The following FDFT1 variants were observed in gnomAD, a reference collection of about 807,000 sequenced individuals.
FDFT1 encodes farnesyl-diphosphate farnesyltransferase 1.
Under a neutral mutation model 46.8 loss-of-function variants are expected in FDFT1, and 68 were observed. The observed-to-expected ratio is 1.45, with a 90% CI of 1.19 to 1.78. The LOEUF (loss-of-function observed/expected upper bound fraction) is 1.78, where lower values mean the gene tolerates loss of function less well. FDFT1 is among the 40% of genes most tolerant of loss of function. The probability of loss-of-function intolerance (pLI) is 0.00; values close to 1 mark genes in which losing one functional copy is unlikely to be tolerated. For synonymous variants in FDFT1, 351 were observed against 185.1 expected (o/e 1.90, Z -7.28); for missense variants, 928 against 524.4 (o/e 1.77, Z -7.52).
chr8:11,832,420 C>T (rs957459659), intron 7 of FDFT1, among the ~76,000 whole-genome samples: 4 of 151,460 alleles, frequency 2.6e-5, no homozygotes, highest in African/African-American at 9.7e-5. Context: ...CATGGTGGTG[C>T]ACGCCTGTGG....
intron 3 of FDFT1, among the ~76,000 whole-genome samples, chr8:11,811,542 C>T (rs536077299): frequency 6.6e-6 from 1 of 152,184 alleles, no homozygotes; most frequent in Non-Finnish European, 1.5e-5. Flanking sequence ...CGTCAGATTT[C>T]CAGATGATAT....
intron 5 of FDFT1, 42 bp downstream of exon 5, chr8:11,826,257 A>C (rs1809973349): frequency 7.2e-7 from 1 of 1,393,070 alleles, no homozygotes; most frequent in Admixed American, 2.3e-5. Context: ...AACTTTAGAC[A>C]TTCTCTGAAA....
At chr8:11,831,756 A>G (rs1810836888) in intron 7 of FDFT1, 86 bp downstream of exon 7, 5 of 1,119,696 alleles carry the variant, frequency 4.5e-6, no homozygotes, top group Non-Finnish European at 6.7e-6. Flanking sequence ...TGGATATTAG[A>G]TGATCCTAAC....
chr8:11,837,517 C>T (rs549198214), intron 7 of FDFT1, among the ~76,000 whole-genome samples: 1 of 152,204 alleles, frequency 6.6e-6, no homozygotes, highest in African/African-American at 2.4e-5. Context: ...CAAACATGAG[C>T]CACTGTGCCT....
intron 7 of FDFT1, among the ~76,000 whole-genome samples, chr8:11,836,021 C>G (rs888190572): frequency 7.3e-6 from 1 of 137,616 alleles, no homozygotes; most frequent in African/African-American, 2.7e-5. Context: ...GGCATGGTGG[C>G]AGGTGCCTGT....
intron 7 of FDFT1, among the ~76,000 whole-genome samples, chr8:11,833,791 A>G (rs1051219288): frequency 2.0e-5 from 3 of 152,344 alleles, no homozygotes; most frequent in East Asian, 1.9e-4. Flanking sequence ...TGGCCCTTGA[A>G]TAAGAGGTTT....
At chr8:11,797,732 C>T (rs139738427), upstream of FDFT1, among the ~76,000 whole-genome samples, 51 of 151,594 alleles carry the variant, frequency 3.4e-4, 1 homozygote, top group African/African-American at 1.2e-3. Context: ...GAAAAGGATT[C>T]CTGAAGCAGA....
Position 11,809,740 on chromosome 8 carries a change from G to GA in FDFT1, c.275dup (p.Lys93GlufsTer39), listed in dbSNP as rs777755672. On this transcript the variant is annotated frameshift_variant, in exon 3 of 8. Coordinates refer to ENST00000220584, the MANE Select transcript of FDFT1 (RefSeq NM_004462.5). LOFTEE classifies it high-confidence loss of function. ...GGAAGATGACATGACCATCAGTGTG[G>GA]AAAAGAAGGTCCCGCTGTTACACAA... 1 of 1,614,006 alleles carries GA rather than the reference G, an allele frequency of 6.2e-7. No homozygotes were observed. The highest frequency in any genetic ancestry group is 8.5e-7 in the Non-Finnish European group (1 of 1,179,876).
intron 3 of FDFT1, among the ~76,000 whole-genome samples, chr8:11,817,502 T>G (rs139736418): frequency 5.9e-5 from 9 of 152,178 alleles, no homozygotes; most frequent in Non-Finnish European, 1.2e-4. Flanking sequence ...TCCTGGACTT[T>G]CTTTGGTTGG....
chr8:11,821,906 G>A, intron 4 of FDFT1, 28 bp downstream of exon 4: 8 of 1,609,012 alleles, frequency 5.0e-6, no homozygotes, highest in Non-Finnish European at 6.8e-6. Flanking sequence ...GTGTCTGTGT[G>A]TGATGTATTA....
intron 1 of FDFT1, among the ~76,000 whole-genome samples, chr8:11,796,482 A>G (rs929847814): frequency 2.6e-5 from 4 of 152,170 alleles, no homozygotes; most frequent in Non-Finnish European, 4.4e-5. Flanking sequence ...ATGAACACAA[A>G]CAAATAAGGT....
chr8:11,800,310 T>A (rs755905361), upstream of FDFT1, among the ~76,000 whole-genome samples: 6 of 143,346 alleles, frequency 4.2e-5, no homozygotes, highest in Non-Finnish European at 6.0e-5. Flanking sequence ...GAACATTAAT[T>A]TACTAAGCAG....
rs141955095 is a variant in FDFT1, at chr8:11,806,224, C to G, written c.100-2570C>G. Among the ~76,000 whole-genome samples, 44 of 152,202 alleles carry G rather than the reference C, an allele frequency of 2.9e-4. No homozygotes were observed. In the South Asian group the frequency reaches 8.5e-3, roughly 29 times the overall value. ...TCCATCCCTGTTTTTCTCCCGCTTG[C>G]GAGCTTTTGGGAGTGTGCTGAATCT... is the stretch of plus-strand genomic sequence containing the variant. On this transcript the variant is annotated intron_variant, in intron 1 of 7. Coordinates refer to ENST00000220584, the MANE Select transcript of FDFT1 (RefSeq NM_004462.5).
chr8:11,799,369 AGC>A (rs1163550837), upstream of FDFT1, among the ~76,000 whole-genome samples: 1 of 152,222 alleles, frequency 6.6e-6, no homozygotes, highest in South Asian at 2.1e-4. Context: ...TCTCAAGGCC[AGC>A]GTTTAGCTGC....
intron 1 of FDFT1, 121 bp downstream of exon 1, chr8:11,803,052 G>T: frequency 2.0e-6 from 3 of 1,464,936 alleles, no homozygotes; most frequent in East Asian, 2.5e-5. Context: ...CGACGCCTGG[G>T]TGTTCCCGTC....
At chr8:11,814,593 C>T (rs961250152) in intron 3 of FDFT1, among the ~76,000 whole-genome samples, 1 of 152,054 alleles carries the variant, frequency 6.6e-6, no homozygotes, top group Non-Finnish European at 1.5e-5. Flanking sequence ...TTTTGCTAAC[C>T]TATAAACAAT....
At chr8:11,802,667 G>C (rs1563290220), upstream of FDFT1, 1 of 626,422 alleles carries the variant, frequency 1.6e-6, no homozygotes, top group South Asian at 1.9e-5. Context: ...TGGCGGCCGA[G>C]GCCGGTTGAA....
intron 4 of FDFT1, among the ~76,000 whole-genome samples, chr8:11,824,221 G>C (rs891711787): frequency 6.6e-6 from 1 of 151,498 alleles, no homozygotes; most frequent in African/African-American, 2.4e-5. Flanking sequence ...TGCTTCTTAA[G>C]TTAACTAATA....
chr8:11,805,176 A>C (rs183829504), intron 1 of FDFT1, among the ~76,000 whole-genome samples: 2 of 152,110 alleles, frequency 1.3e-5, no homozygotes, highest in East Asian at 3.9e-4. Context: ...CTCAGCCTTC[A>C]AAGTGCTGGG....
Sources: gnomAD v4.1 joint callset for allele counts (sites outside exome capture counted in the v4.1 genomes callset) on GRCh38, gnomAD v4.1.1 for gene constraint, MANE v1.5 for transcripts, NCBI Gene and HGNC (gene_info 2026-07-23, HGNC 2026-07-21) for gene names.